Variants in TMEM164 observed in about 807,000 individuals in gnomAD.
The protein encoded by TMEM164 is transmembrane protein 164, also known as RP13-360B22.2.
In TMEM164, 4 loss-of-function variants were observed where a neutral mutation model predicts 18.8. The ratio of observed to expected loss-of-function variants is 0.21; its 90% CI spans 0.10 to 0.49. The LOEUF (loss-of-function observed/expected upper bound fraction) is 0.49. Among genes scored for constraint, TMEM164 ranks in the 20% least tolerant of loss-of-function variants. TMEM164 has a pLI of 0.98. For synonymous variants in TMEM164, 86 were observed against 101.7 expected (o/e 0.85, Z 0.93); for missense variants, 108 against 239.9 (o/e 0.45, Z 3.63).
intron 4 of TMEM164, among the ~76,000 whole-genome samples, chrX:110,141,475 C>T (rs1007323249): frequency 8.9e-6 from 1 of 111,836 alleles, no homozygotes; most frequent in Non-Finnish European, 1.9e-5. Context: ...GTGAAAAGCA[C>T]GTCTTACATG....
chrX:110,166,162 T>C (rs1330532691), intron 5 of TMEM164, among the ~76,000 whole-genome samples: 1 of 111,434 alleles, frequency 9.0e-6, no homozygotes. Context: ...AGCATGCTGT[T>C]TCATGTCTCC....
intron 3 of TMEM164, among the ~76,000 whole-genome samples, chrX:110,076,006 A>ATTTTT (rs56696213): frequency 1.4e-5 from 1 of 73,720 alleles, no homozygotes; most frequent in Non-Finnish European, 2.7e-5. Flanking sequence ...CTCCTCCTTG[A>ATTTTT]TTTTTTTTTT....
intron 2 of TMEM164, among the ~76,000 whole-genome samples, chrX:110,064,523 A>G (rs1323662966): frequency 8.9e-6 from 1 of 112,003 alleles, no homozygotes; most frequent in African/African-American, 3.2e-5. Context: ...AGTATCAGAA[A>G]TCTGAGAAGT....
At chrX:110,152,534 T>C (rs980515071) in intron 5 of TMEM164, among the ~76,000 whole-genome samples, 2 of 111,868 alleles carry the variant, frequency 1.8e-5, no homozygotes, top group African/African-American at 6.5e-5. Context: ...TTGGAATATA[T>C]CCTGATATAC....
At chrX:110,093,716 T>A (rs1361996835) in intron 3 of TMEM164, among the ~76,000 whole-genome samples, 1 of 111,555 alleles carries the variant, frequency 9.0e-6, no homozygotes, top group East Asian at 2.8e-4. Context: ...TAGTTATTTC[T>A]TGCCTTCCGC....
intron 3 of TMEM164, among the ~76,000 whole-genome samples, chrX:110,081,377 G>C (rs2065755194): frequency 9.0e-6 from 1 of 111,299 alleles, no homozygotes; most frequent in Admixed American, 9.5e-5. Context: ...GTGTGCCTAG[G>C]CATGGTGGGA....
chrX:110,044,775 T>A (rs752060906), intron 2 of TMEM164, among the ~76,000 whole-genome samples: 1 of 108,657 alleles, frequency 9.2e-6, no homozygotes, highest in Non-Finnish European at 1.9e-5. Flanking sequence ...TCAGTGGTTG[T>A]CAGTGTTTCT....
chrX:110,053,967 T>C (rs887495499), intron 2 of TMEM164, among the ~76,000 whole-genome samples: 4 of 111,637 alleles, frequency 3.6e-5, no homozygotes, highest in African/African-American at 6.5e-5. Flanking sequence ...ATATGTCCGA[T>C]GGTGTGTTAG....
chrX:110,089,027 G>T (rs750726731), intron 3 of TMEM164, among the ~76,000 whole-genome samples: 1 of 111,661 alleles, frequency 9.0e-6, no homozygotes, highest in African/African-American at 3.3e-5. Context: ...ATTCCAAAGG[G>T]CAGGGGTTGG....
At chrX:110,051,759 C>T (rs1421249411) in intron 2 of TMEM164, among the ~76,000 whole-genome samples, 5 of 111,973 alleles carry the variant, frequency 4.5e-5, no homozygotes, top group South Asian at 3.7e-4. Flanking sequence ...GTTTGGACAG[C>T]GCATTCCAGG....
intron 2 of TMEM164, among the ~76,000 whole-genome samples, chrX:110,036,745 AT>A (rs1348300176): frequency 1.8e-5 from 2 of 112,031 alleles, no homozygotes; most frequent in Non-Finnish European, 3.8e-5. Flanking sequence ...ATAAAAAACA[AT>A]TTTAGCATAT....
chrX:110,036,897 A>AT (rs1254200842), intron 2 of TMEM164, among the ~76,000 whole-genome samples: 21 of 108,846 alleles, frequency 1.9e-4, no homozygotes, highest in Non-Finnish European at 2.9e-4. Flanking sequence ...TGAGGAACTG[A>AT]TTTTTTTTTT....
At chrX:110,148,675 ATTTTTTTT>A (rs373500523) in intron 5 of TMEM164, among the ~76,000 whole-genome samples, 3,376 of 67,855 alleles carry the variant, frequency 0.05, 198 homozygotes, top group African/African-American at 0.2. Flanking sequence ...CACCCGGCTC[ATTTTTTTT>A]TTTTTTTTTT....
intron 2 of TMEM164, among the ~76,000 whole-genome samples, chrX:110,044,813 G>A (rs1354050149): frequency 2.8e-5 from 3 of 108,537 alleles, no homozygotes; most frequent in African/African-American, 6.7e-5. Context: ...CTAGGCACTT[G>A]TCACTAGGAA....
At chrX:110,069,515 G>A (rs1030714234) in intron 3 of TMEM164, among the ~76,000 whole-genome samples, 1 of 107,020 alleles carries the variant, frequency 9.3e-6, no homozygotes, top group East Asian at 2.9e-4. Context: ...TTAGATTTTA[G>A]CCCTTTGTCT....
At chrX:110,090,882 G>A (rs189416268) in intron 3 of TMEM164, among the ~76,000 whole-genome samples, 1 of 90,484 alleles carries the variant, frequency 1.1e-5, no homozygotes, top group South Asian at 7.2e-4. Context: ...TGACAGGCCC[G>A]GCGTGTGATG....
At chrX:110,107,044 C>T (rs1198405388) in intron 3 of TMEM164, among the ~76,000 whole-genome samples, 1 of 111,373 alleles carries the variant, frequency 9.0e-6, no homozygotes, top group Non-Finnish European at 1.9e-5. Flanking sequence ...AGCCAAACAG[C>T]CTTTTCCACT....
intron 2 of TMEM164, among the ~76,000 whole-genome samples, chrX:110,049,376 G>T (rs1279290774): frequency 9.0e-6 from 1 of 110,926 alleles, no homozygotes; most frequent in East Asian, 2.9e-4. Context: ...GGACTGAGGT[G>T]GGGGGTGGGG....
Position 110,133,451 on chromosome X carries a change from C to T in TMEM164, c.508-11347C>T, listed in dbSNP as rs141941786. ...CAGGCATGAGCCACCGCGCCCTGGA[C>T]TGTAATCTCTTCTTATGAGGACACT... On this transcript the variant is annotated intron_variant, in intron 4 of 6. Transcript: ENST00000372068. Among the ~76,000 whole-genome samples, 472 of 112,194 alleles carry T rather than the reference C, an allele frequency of 4.2e-3. 5 individuals carry two copies. The highest frequency in any genetic ancestry group is 0.015 in the African/African-American group (450 of 30,932).
Sources: allele counts gnomAD v4.1 joint callset (sites outside exome capture counted in the v4.1 genomes callset), GRCh38; gene constraint gnomAD v4.1.1; transcripts MANE v1.5; gene names NCBI Gene and HGNC (gene_info 2026-07-23, HGNC 2026-07-21).